NEDD4: variants seen among roughly 807,000 people sequenced by gnomAD.
The protein encoded by NEDD4 is E3 ubiquitin-protein ligase NEDD4.
NEDD4 carries 99 observed loss-of-function variants against 144.9 expected under a neutral mutation model. That is an observed-to-expected ratio of 0.68 (90% CI 0.58 to 0.81). The LOEUF (loss-of-function observed/expected upper bound fraction) is 0.81, where lower values mean the gene tolerates loss of function less well. NEDD4 is among the 30% of genes least tolerant of loss of function. The pLI, the probability that NEDD4 is intolerant of heterozygous loss-of-function variation, is 0.00. For synonymous variants in NEDD4, 318 were observed against 350.6 expected, an observed-to-expected ratio of 0.91 and a Z score of 1.04; for missense variants, 985 against 1,065.9, an observed-to-expected ratio of 0.92 and a Z score of 1.06.
chr15:55,953,495 G>A (rs2037282260), intron 2 of NEDD4, among the ~76,000 whole-genome samples: 3 of 151,328 alleles, frequency 2.0e-5, no homozygotes, highest in Admixed American at 6.6e-5. Flanking sequence ...AGGCTGGAGT[G>A]CAGTGGCGCG....
At chr15:55,989,860 T>C (rs373405299) in intron 1 of NEDD4, among the ~76,000 whole-genome samples, 13 of 152,002 alleles carry the variant, frequency 8.6e-5, no homozygotes, top group African/African-American at 2.9e-4. Flanking sequence ...AGGAGGTGAG[T>C]GGCAGGCCAG....
intron 4 of NEDD4, among the ~76,000 whole-genome samples, chr15:55,941,993 G>C (rs572752315): frequency 6.6e-6 from 1 of 152,184 alleles, no homozygotes; most frequent in Middle Eastern, 3.4e-3. Context: ...GGTATTAGCT[G>C]TAGTGTACTA....
intron 1 of NEDD4, among the ~76,000 whole-genome samples, chr15:55,978,381 T>TTTTAACTTCA (rs1160318865): frequency 1.2e-4 from 18 of 152,250 alleles, no homozygotes; most frequent in Non-Finnish European, 1.5e-4. Flanking sequence ...TTTGCATTGG[T>TTTTAACTTCA]TTTAACTTCA....
intron 2 of NEDD4, among the ~76,000 whole-genome samples, chr15:55,955,785 CTT>C (rs2142310945): frequency 6.7e-6 from 1 of 150,172 alleles, no homozygotes; most frequent in South Asian, 2.1e-4. Flanking sequence ...CATCATGACA[CTT>C]AAAAACTACA....
At chr15:55,917,229 T>G in intron 5 of NEDD4, 1 of 906,028 alleles carries the variant, frequency 1.1e-6, no homozygotes, top group Non-Finnish European at 1.3e-6. Flanking sequence ...CATTTCAAGT[T>G]GAAACAGTAT....
intron 1 of NEDD4, among the ~76,000 whole-genome samples, chr15:55,992,543 T>C (rs1410214654): frequency 6.6e-6 from 1 of 152,218 alleles, no homozygotes; most frequent in African/African-American, 2.4e-5. Context: ...ATGTGGCAGC[T>C]TAGTCAGCCA....
At chr15:55,887,587 C>A (rs748219295) in intron 5 of NEDD4, among the ~76,000 whole-genome samples, 2 of 152,102 alleles carry the variant, frequency 1.3e-5, no homozygotes, top group African/African-American at 2.4e-5. Flanking sequence ...CCTACTCAAA[C>A]AATTCTGAAA....
chr15:55,905,659 A>G (rs536538859), intron 5 of NEDD4, among the ~76,000 whole-genome samples: 4 of 152,244 alleles, frequency 2.6e-5, no homozygotes, highest in Non-Finnish European at 5.9e-5. Context: ...CTAGGAAATC[A>G]TCAGAAACAA....
chr15:55,981,552 CT>C (rs1411903507), intron 1 of NEDD4, among the ~76,000 whole-genome samples: 1 of 152,034 alleles, frequency 6.6e-6, no homozygotes, highest in Non-Finnish European at 1.5e-5. Context: ...TAGAAGTGTC[CT>C]TGTAAAGCTG....
chr15:55,944,794 G>C (rs2037078705), intron 4 of NEDD4, among the ~76,000 whole-genome samples: 1 of 152,052 alleles, frequency 6.6e-6, no homozygotes, highest in Non-Finnish European at 1.5e-5. Context: ...TCCAGAGGAA[G>C]GATGAGGCAG....
chr15:55,842,158 G>A lies in NEDD4; in HGVS notation c.1614C>T (p.Asp538=). 6.2e-7 allele frequency: 1 copy of A among 1,613,728 alleles called. No homozygotes were observed. Residue 538 remains aspartate (D), a synonymous_variant, in exon 19 of 29, where the codon GAC becomes GAT. Transcript: ENST00000435532. The part of the protein sequence containing the change: ...FFRRKLKKQN[D]IPNKFEMKLR... ...GTTTCATTTCAAATTTGTTTGGAATGTCATTCTGAAAATCCAGAGGAGAGA... is the reference window on the plus strand; with the variant it reads ...GTTTCATTTCAAATTTGTTTGGAATATCATTCTGAAAATCCAGAGGAGAGA...
intron 5 of NEDD4, among the ~76,000 whole-genome samples, chr15:55,874,927 C>G (rs922500041): frequency 2.8e-4 from 43 of 151,744 alleles, no homozygotes; most frequent in Admixed American, 2.8e-3. Flanking sequence ...TGAGCCTGGA[C>G]CATGCCACTG....
At chr15:55,899,594 G>A (rs2142149852) in intron 5 of NEDD4, among the ~76,000 whole-genome samples, 1 of 152,290 alleles carries the variant, frequency 6.6e-6, no homozygotes, top group South Asian at 2.1e-4. Context: ...CATTGGGATG[G>A]GGCTCCACTC....
chr15:55,908,658 T>C (rs1218897604), intron 5 of NEDD4, among the ~76,000 whole-genome samples: 1 of 152,194 alleles, frequency 6.6e-6, no homozygotes, highest in African/African-American at 2.4e-5. Context: ...AAGATCGCCA[T>C]GTTATTTACA....
Position 55,957,701 on chromosome 15 carries a change from AGCAAAGACTTGGAACCAAC to A in NEDD4, c.120-6131_120-6113del, listed in dbSNP as rs2037360198. ...TGTTTATTACGGCACTATTCACAAT[AGCAAAGACTTGGAACCAAC>A]CCAAATGTCCATCAATGATAGACTG... On this transcript the variant is annotated intron_variant, in intron 2 of 28. Transcript: ENST00000435532. Among the ~76,000 whole-genome samples, 3 of 152,258 alleles carry A rather than the reference AGCAAAGACTTGGAACCAAC, an allele frequency of 2.0e-5. No homozygotes were observed. The South Asian group carries it at 6.2e-4, about 31-fold the overall frequency.
intron 2 of NEDD4, among the ~76,000 whole-genome samples, chr15:55,958,428 T>C (rs1349651245): frequency 6.6e-6 from 1 of 152,218 alleles, no homozygotes; most frequent in African/African-American, 2.4e-5. Flanking sequence ...TTTGCATCTA[T>C]GTTGACAGAT....
At chr15:55,962,494 A>G (rs2037442663) in intron 2 of NEDD4, among the ~76,000 whole-genome samples, 1 of 152,182 alleles carries the variant, frequency 6.6e-6, no homozygotes, top group Non-Finnish European at 1.5e-5. Flanking sequence ...TGCAGGCTGA[A>G]GTGCAGTGGC....
At chr15:55,940,799 G>C (rs2036989066) in intron 4 of NEDD4, among the ~76,000 whole-genome samples, 2 of 151,378 alleles carry the variant, frequency 1.3e-5, no homozygotes, top group African/African-American at 4.9e-5. Context: ...TGGTATTATA[G>C]GCATGAGCCA....
chr15:55,835,439 T>TTTTTTC (rs1555392050), intron 24 of NEDD4, among the ~76,000 whole-genome samples: 1 of 142,928 alleles, frequency 7.0e-6, no homozygotes. Flanking sequence ...TTTTTTTTTT[T>TTTTTTC]CCCATGCCCT....
Sources: allele counts gnomAD v4.1 joint callset (sites outside exome capture counted in the v4.1 genomes callset), GRCh38; gene constraint gnomAD v4.1.1; transcripts MANE v1.5; gene names NCBI Gene and HGNC (gene_info 2026-07-23, HGNC 2026-07-21).